The following KDM1B variants were observed in gnomAD, a reference collection of about 807,000 sequenced individuals.
KDM1B encodes the protein lysine demethylase 1B.
Under a neutral mutation model 107.4 loss-of-function variants are expected in KDM1B, and 63 were observed. That is an observed-to-expected ratio of 0.59 (90% confidence interval 0.48 to 0.72). The LOEUF (loss-of-function observed/expected upper bound fraction) is 0.72, where lower values mean the gene tolerates loss of function less well. KDM1B is among the 30% of genes least tolerant of loss of function. The pLI, the probability that KDM1B is intolerant of heterozygous loss-of-function variation, is 0.00. For synonymous variants in KDM1B, 363 were observed against 363.9 expected, an observed-to-expected ratio of 1.00 and a Z score of 0.03; for missense variants, 749 against 1,020.8, an observed-to-expected ratio of 0.73 and a Z score of 3.63.
chr6:18,185,409 C>T (rs1380852849), intron 7 of KDM1B, among the ~76,000 whole-genome samples: 17 of 151,980 alleles, frequency 1.1e-4, no homozygotes. Context: ...CCCAGTGATT[C>T]TCCTGCCTCA....
chr6:18,213,640 TCTG>T lies in KDM1B; in HGVS notation c.1984-13_1984-11del. On this transcript the variant is annotated splice_polypyrimidine_tract_variant and intron_variant, in intron 18 of 21. Coordinates refer to ENST00000650836, the MANE Select transcript of KDM1B (RefSeq NM_001364614.2). This position sits in a 1 kb window ranked among gnomAD's most constrained non-coding sequence, Gnocchi z 5.9. Reference sequence around the variant, plus strand: ...ACGACAGACACCTAACCACCTTTCTTCTGCTCACTTTGCAGATTGCCTTGCAAT... The same window carrying T: ...ACGACAGACACCTAACCACCTTTCTTCTCACTTTGCAGATTGCCTTGCAAT... 6.2e-7 allele frequency: 1 copy of T among 1,613,992 alleles called. No individual in the cohort carries two copies. The highest frequency in any genetic ancestry group is 8.5e-7 in the Non-Finnish European group (1 of 1,179,914).
chr6:18,165,344 A>G (rs1488800588), intron 5 of KDM1B, among the ~76,000 whole-genome samples: 1 of 150,768 alleles, frequency 6.6e-6, no homozygotes, highest in Non-Finnish European at 1.5e-5. Flanking sequence ...GTTAGCCAGG[A>G]TGGTCTCGAT....
chr6:18,195,619 C>T (rs1442133958), intron 10 of KDM1B, among the ~76,000 whole-genome samples: 1 of 150,442 alleles, frequency 6.6e-6, no homozygotes, highest in Non-Finnish European at 1.5e-5. Flanking sequence ...CCTGTAGTCC[C>T]AGCTACTTGG....
chr6:18,195,958 T>A (rs1219286380), intron 10 of KDM1B, among the ~76,000 whole-genome samples: 1 of 152,072 alleles, frequency 6.6e-6, no homozygotes, highest in African/African-American at 2.4e-5. Flanking sequence ...AAACTGAAAT[T>A]TTTTATCCTT....
chr6:18,163,003 G>A, intron 5 of KDM1B, 79 bp downstream of exon 5: 1 of 845,820 alleles, frequency 1.2e-6, no homozygotes, highest in Non-Finnish European at 2.0e-6. Flanking sequence ...GCTGATTAAA[G>A]CTTAGTCTCG....
intron 20 of KDM1B, among the ~76,000 whole-genome samples, chr6:18,215,388 C>T (rs544060853): frequency 3.1e-4 from 47 of 152,326 alleles, no homozygotes; most frequent in South Asian, 2.1e-3. Flanking sequence ...AGCCTGAGAT[C>T]GAGGTGTCGG....
Position 18,205,522 on chromosome 6 carries a change from C to T in KDM1B, c.1532-15C>T, listed in dbSNP as rs1405352717. ...TAAAGCTATTTTTTTCTGCTTTGAT[C>T]CATTCCCATTACAGAAAAGATAGAA... is the stretch of plus-strand genomic sequence containing the variant. On this transcript the variant is annotated splice_polypyrimidine_tract_variant and intron_variant, in intron 14 of 21. Transcript: ENST00000650836. This position sits in a 1 kb window ranked among gnomAD's most constrained non-coding sequence, Gnocchi z 5.7. The T allele has an allele frequency of 4.5e-6, 7 of 1,545,952 alleles. No homozygotes were observed. The highest frequency in any genetic ancestry group is 2.5e-5 in the East Asian group (1 of 40,504).
At chr6:18,167,679 G>T (rs892646845) in intron 6 of KDM1B, among the ~76,000 whole-genome samples, 1 of 152,014 alleles carries the variant, frequency 6.6e-6, no homozygotes, top group Non-Finnish European at 1.5e-5. Flanking sequence ...TCACCATGTT[G>T]CCCAGGCTGG....
intron 8 of KDM1B, among the ~76,000 whole-genome samples, chr6:18,187,045 T>C (rs9477661): frequency 0.083 from 12,540 of 151,598 alleles, 1,578 homozygotes; most frequent in African/African-American, 0.27. Context: ...TTTCCCCGAA[T>C]TCCTGGAGCA....
chr6:18,193,392 G>A (rs996686708), intron 10 of KDM1B, among the ~76,000 whole-genome samples: 14 of 137,816 alleles, frequency 1.0e-4, no homozygotes, highest in East Asian at 2.3e-4. Flanking sequence ...CAGCAGCCTC[G>A]CCTTCCCAGT....
chr6:18,195,346 A>G (rs116625846), intron 10 of KDM1B, among the ~76,000 whole-genome samples: 5,765 of 152,314 alleles, frequency 0.038, 122 homozygotes, highest in Middle Eastern at 0.071. Flanking sequence ...GGAACCAAAA[A>G]AAGTTTCAAA....
intron 15 of KDM1B, among the ~76,000 whole-genome samples, chr6:18,206,567 T>C (rs1349027535): frequency 6.6e-6 from 1 of 152,134 alleles, no homozygotes. Context: ...GCTATTGGGC[T>C]GAATCAGATC....
At chr6:18,199,147 G>A (rs1421012992) in intron 12 of KDM1B, among the ~76,000 whole-genome samples, 3 of 151,404 alleles carry the variant, frequency 2.0e-5, no homozygotes, top group Admixed American at 6.6e-5. Context: ...GCAGTGAGCC[G>A]AGATCTAGCC....
In KDM1B at chr6:18,223,327, TCCCCCACCGCCCGC is replaced by T. The variant is rs1224765172; in HGVS notation, c.*1341_*1354del. 1 of 125,704 alleles carries T rather than the reference TCCCCCACCGCCCGC, an allele frequency of 8.0e-6. No homozygotes were observed. Among genetic ancestry groups the T allele is most frequent in the Admixed American group, 8.1e-5 (1 of 12,372 alleles). 7.8% of individuals were successfully genotyped at this position (125,704 alleles called of 1,614,324 possible). ...GTGAACCTCAGGCATTTAAGACACC[TCCCCCACCGCCCGC>T]CCCCCGCCCCCCCCAATCAAAGTGT... On this transcript the variant is annotated 3_prime_UTR_variant, in exon 22 of 22. Transcript: ENST00000650836.
chr6:18,181,724 T>A (rs778832349), intron 7 of KDM1B, among the ~76,000 whole-genome samples: 41 of 152,154 alleles, frequency 2.7e-4, no homozygotes, highest in Non-Finnish European at 3.8e-4. Flanking sequence ...CCAGCCTAAG[T>A]GACACAGTGA....
intron 7 of KDM1B, among the ~76,000 whole-genome samples, chr6:18,185,325 G>A (rs536095588): frequency 1.0e-4 from 15 of 146,094 alleles, no homozygotes; most frequent in Admixed American, 8.2e-4. Context: ...TTTTTGAGAT[G>A]GAGTCTCGCT....
At chr6:18,202,944 G>C (rs1582182634) in intron 14 of KDM1B, among the ~76,000 whole-genome samples, 1 of 152,190 alleles carries the variant, frequency 6.6e-6, no homozygotes, top group East Asian at 1.9e-4. Flanking sequence ...AGACTAATTC[G>C]TAAGTTGTTA....
At position 18,213,786 on chromosome 6, in the gene KDM1B, A is replaced by T. The variant is rs1256787165; in HGVS notation, c.2109+5A>T. 2.5e-6 allele frequency: 4 copies of T among 1,614,074 alleles called. No individual in the cohort carries two copies. Among genetic ancestry groups the T allele is most frequent in the Non-Finnish European group, 3.4e-6 (4 of 1,179,958 alleles). On this transcript the variant is annotated splice_donor_5th_base_variant and intron_variant, in intron 19 of 21. Transcript: ENST00000650836. This position sits in a 1 kb window ranked among gnomAD's most constrained non-coding sequence, Gnocchi z 5.9. The stretch of plus-strand genomic sequence containing the variant: ...TTCTATGACATGGATCCCCAGGTAA[A>T]ATCATTCGTGAACTGTGGTTTGAAT...
Position 18,197,112 on chromosome 6 carries a change from G to A in KDM1B, c.1025G>A (p.Arg342His), listed in dbSNP as rs768063926. The change falls in exon 11 of 22, where the codon CGT (arginine) becomes CAT (histidine). Residue 342 changes from arginine to histidine, a missense_variant. Transcript: ENST00000650836. The surrounding 1 kb of genome is among the most constrained non-coding windows in gnomAD (Gnocchi z 4.5). ...CACATCATCGTCCGGGGTCTCGTGC[G>A]TATTCGATGCGTTCAGGAAGTGGAG... ...IPHIIVRGLVRIRCVQEVERI... is the reference protein window; with the variant it reads ...IPHIIVRGLVHIRCVQEVERI... 5 of 1,614,012 alleles carry A rather than the reference G, an allele frequency of 3.1e-6. No homozygotes were observed. Among genetic ancestry groups the A allele is most frequent in the South Asian group, 2.2e-5 (2 of 91,068 alleles).
Sources: gnomAD v4.1 joint callset for allele counts (sites outside exome capture counted in the v4.1 genomes callset) on GRCh38, gnomAD v4.1.1 for gene constraint, Gnocchi (gnomAD v3.1) non-coding constraint, MANE v1.5 for transcripts, NCBI Gene and HGNC (gene_info 2026-07-23, HGNC 2026-07-21) for gene names.